Variants in SLCO6A1 observed in about 807,000 individuals in gnomAD.
The protein encoded by SLCO6A1 is cancer/testis antigen 48.
In SLCO6A1, 65 loss-of-function variants were observed where a neutral mutation model predicts 72.7. That is an observed-to-expected ratio of 0.89 (90% confidence interval 0.73 to 1.10). The LOEUF (loss-of-function observed/expected upper bound fraction) is 1.10. Among genes scored for constraint, SLCO6A1 ranks in the 50% least tolerant of loss-of-function variants. The pLI is 0.00. For missense variants in SLCO6A1, 874 were observed against 872.6 expected (o/e 1.00, Z -0.02); for synonymous variants, 314 against 298.2 (o/e 1.05, Z -0.55).
chr5:102,468,949 TG>T (rs1751452069), intron 4 of SLCO6A1, among the ~76,000 whole-genome samples: 1 of 152,186 alleles, frequency 6.6e-6, no homozygotes, highest in African/African-American at 2.4e-5. Context: ...TTGTCAGGTT[TG>T]TCAAAGATCA....
At chr5:102,410,326 C>T (rs747119483) in intron 9 of SLCO6A1, among the ~76,000 whole-genome samples, 3 of 152,122 alleles carry the variant, frequency 2.0e-5, no homozygotes, top group Non-Finnish European at 4.4e-5. Context: ...TTCATTGCTC[C>T]ATCCTCTCCT....
chr5:102,452,124 A>G (rs1417224264), intron 6 of SLCO6A1, among the ~76,000 whole-genome samples: 1 of 152,208 alleles, frequency 6.6e-6, no homozygotes, highest in Non-Finnish European at 1.5e-5. Context: ...ATATCATAAT[A>G]TTCATTGACA....
rs1262915188 is a variant in SLCO6A1 at position 102,462,011 on chromosome 5, G to A, written c.900-2234C>T. ...CATCCAAAAATCTCCAAGAACTGAT[G>A]AATGAATTCAGTAAAGTTTCAGGAT... On this transcript the variant is annotated intron_variant, in intron 4 of 13. Transcript: ENST00000506729. Among the ~76,000 whole-genome samples, 4 of 152,038 alleles carry A rather than the reference G, an allele frequency of 2.6e-5. No homozygotes were observed. In the East Asian group the frequency reaches 7.7e-4, roughly 29 times the overall value.
chr5:102,391,040 A>T lies in SLCO6A1; in HGVS notation c.1820T>A (p.Val607Glu), dbSNP rs150169825. ...VPIVLAMTRV[V>E]PDKLRSLALG... ...GGCCAGAGAACGCAGTTTGTCAGGT[A>T]CAACCCTGAAAGTAAATAGCAATGA... Residue 607 changes from valine (V) to glutamate (E), a missense_variant, in exon 11 of 14, where the codon GTA becomes GAA. By Grantham distance (121) the Val-to-Glu change is moderately radical (BLOSUM62 -2). Coordinates refer to ENST00000506729, the MANE Select transcript of SLCO6A1 (RefSeq NM_173488.5). 5 of 1,613,150 alleles carry T rather than the reference A, an allele frequency of 3.1e-6. No homozygotes were observed. In the East Asian group the frequency reaches 1.1e-4, roughly 36 times the overall value.
intron 1 of SLCO6A1, 146 bp downstream of exon 1, chr5:102,498,341 T>A (rs1032328697): frequency 1.4e-6 from 1 of 716,376 alleles, no homozygotes; most frequent in African/African-American, 1.8e-5. Context: ...GACAACGCCT[T>A]GAGAAGTCAG....
chr5:102,372,172 T>A (rs1750659747), intron 13 of SLCO6A1, 49 bp from the exon 14 acceptor site: 1 of 152,012 alleles, frequency 6.6e-6, no homozygotes. Context: ...GAGTTTTACA[T>A]GAAGACTAGT....
In SLCO6A1 at chr5:102,456,459, G is replaced by C. The variant is rs550252745; in HGVS notation, c.1131+1923C>G. On this transcript the variant is annotated intron_variant, in intron 6 of 13. Coordinates refer to ENST00000506729, the MANE Select transcript of SLCO6A1 (RefSeq NM_173488.5). ...AAATCACAAGCATTCTTATACACCA[G>C]TAACAGACAAACAGCCAAACCATGA... Among the ~76,000 whole-genome samples, 12 of 152,024 alleles carry C rather than the reference G, an allele frequency of 7.9e-5. No homozygotes were observed. The South Asian group carries it at 1.9e-3, about 24-fold the overall frequency.
chr5:102,442,583 C>T (rs1427562969), intron 6 of SLCO6A1, among the ~76,000 whole-genome samples: 5 of 152,136 alleles, frequency 3.3e-5, no homozygotes, highest in African/African-American at 9.7e-5. Flanking sequence ...GAATTATCTA[C>T]ATGGTATAAA....
In SLCO6A1 at chr5:102,466,544, T is replaced by C. The variant is rs532256701; in HGVS notation, c.900-6767A>G. ...TTTATCTTTGGTATATACCCAGTAA[T>C]AGGATTGCTAGGCTGAATGGTATTT... On this transcript the variant is annotated intron_variant, in intron 4 of 13. Coordinates refer to ENST00000506729, the MANE Select transcript of SLCO6A1 (RefSeq NM_173488.5). 2.6e-5 allele frequency among the ~76,000 whole-genome samples: 4 copies of C among 152,274 alleles called. No individual in the cohort carries two copies. The East Asian group carries it at 7.7e-4, about 29-fold the overall frequency.
chr5:102,395,708 T>C (rs1747034040), intron 10 of SLCO6A1, among the ~76,000 whole-genome samples: 1 of 152,150 alleles, frequency 6.6e-6, no homozygotes, highest in Non-Finnish European at 1.5e-5. Context: ...ACCTCCTGTT[T>C]CCTGACTTTT....
At chr5:102,443,322 G>A (rs968615396) in intron 6 of SLCO6A1, among the ~76,000 whole-genome samples, 5 of 152,142 alleles carry the variant, frequency 3.3e-5, no homozygotes, top group Admixed American at 2.0e-4. Context: ...TTTAGCTAGT[G>A]ACTATTTTCT....
intron 7 of SLCO6A1, among the ~76,000 whole-genome samples, chr5:102,436,073 C>A (rs1337327280): frequency 6.6e-6 from 1 of 152,138 alleles, no homozygotes; most frequent in Admixed American, 6.6e-5. Context: ...CATTGGCACC[C>A]AAGGACAAAG....
At chr5:102,386,620 C>T (rs369276935) in intron 12 of SLCO6A1, among the ~76,000 whole-genome samples, 1 of 152,152 alleles carries the variant, frequency 6.6e-6, no homozygotes, top group South Asian at 2.1e-4. Flanking sequence ...AAGTTCCCAG[C>T]CCAGTGCCTA....
rs546552391 is a variant in SLCO6A1, at chr5:102,493,362, C to T, written c.358+5125G>A. Among the ~76,000 whole-genome samples, 6 of 152,190 alleles carry T rather than the reference C, an allele frequency of 3.9e-5. No individual in the cohort carries two copies. The South Asian group carries it at 6.2e-4, about 16-fold the overall frequency. ...TGTCAAATATCCAAATATTAAAAAA[C>T]GCAATATATCATATTAATACAACAA... On this transcript the variant is annotated intron_variant, in intron 1 of 13. Transcript: ENST00000506729.
intron 4 of SLCO6A1, among the ~76,000 whole-genome samples, chr5:102,465,848 G>A (rs1287708922): frequency 1.3e-5 from 2 of 151,974 alleles, no homozygotes; most frequent in African/African-American, 4.8e-5. Flanking sequence ...AATGAGTTGA[G>A]GCAGTTATTC....
chr5:102,394,332 T>C (rs1746942312), intron 10 of SLCO6A1, among the ~76,000 whole-genome samples: 2 of 152,172 alleles, frequency 1.3e-5, no homozygotes, highest in Non-Finnish European at 2.9e-5. Context: ...AAGATTAAAC[T>C]TTGTTGAATT....
chr5:102,493,237 A>G (rs1162197007), intron 1 of SLCO6A1, among the ~76,000 whole-genome samples: 1 of 152,224 alleles, frequency 6.6e-6, no homozygotes, highest in Non-Finnish European at 1.5e-5. Flanking sequence ...ACTCGCACAG[A>G]AACAAAAATT....
At chr5:102,440,451 C>T (rs538835446) in intron 6 of SLCO6A1, among the ~76,000 whole-genome samples, 1 of 152,162 alleles carries the variant, frequency 6.6e-6, no homozygotes, top group Non-Finnish European at 1.5e-5. Flanking sequence ...TCTCCCATCA[C>T]CCCTAGATGG....
Position 102,462,373 on chromosome 5 carries a change from C to G in SLCO6A1, c.900-2596G>C, listed in dbSNP as rs111542656. ...AGTACCAAGATCATTCTTCACAGAACTAGAAAAAACAATCCTAAAATTCAC... is the reference window on the plus strand; with the variant it reads ...AGTACCAAGATCATTCTTCACAGAAGTAGAAAAAACAATCCTAAAATTCAC... On this transcript the variant is annotated intron_variant, in intron 4 of 13. Coordinates refer to ENST00000506729, the MANE Select transcript of SLCO6A1 (RefSeq NM_173488.5). 2.1e-3 allele frequency among the ~76,000 whole-genome samples: 318 copies of G among 152,184 alleles called. 3 individuals are homozygous for G. The highest frequency in any genetic ancestry group is 7.3e-3 in the African/African-American group (302 of 41,512).
Sources: allele counts gnomAD v4.1 joint callset (sites outside exome capture counted in the v4.1 genomes callset), GRCh38; gene constraint gnomAD v4.1.1; transcripts MANE v1.5; gene names NCBI Gene and HGNC (gene_info 2026-07-23, HGNC 2026-07-21).